The following UTRN variants were observed in gnomAD, a reference collection of about 807,000 sequenced individuals.
UTRN encodes the protein dystrophin-related protein 1.
Under a neutral mutation model 463.9 loss-of-function variants are expected in UTRN, and 283 were observed. That is an observed-to-expected ratio of 0.61 (90% CI 0.55 to 0.67). The LOEUF (loss-of-function observed/expected upper bound fraction) is 0.67, where lower values mean the gene tolerates loss of function less well. Ranked by LOEUF, UTRN falls within the 30% of genes least tolerant of loss-of-function variation. The probability of loss-of-function intolerance (pLI) is 0.00; values close to 1 mark genes in which losing one functional copy is unlikely to be tolerated. For synonymous variants in UTRN, 1,442 were observed against 1,431.5 expected (o/e 1.01, Z -0.17); for missense variants, 3,922 against 4,084.3 (o/e 0.96, Z 1.08).
At chr6:144,799,259 A>G (rs2128745837) in intron 64 of UTRN, 1 of 339,606 alleles carries the variant, frequency 2.9e-6, no homozygotes, top group South Asian at 2.4e-5. Flanking sequence ...AACATAAGAA[A>G]TGAAAATTCA....
At chr6:144,625,323 C>G (rs1324542201) in intron 51 of UTRN, among the ~76,000 whole-genome samples, 5 of 152,156 alleles carry the variant, frequency 3.3e-5, no homozygotes, top group African/African-American at 1.2e-4. Flanking sequence ...TACTGGCTAC[C>G]TGTCTTATGG....
chr6:144,577,429 G>C, intron 51 of UTRN, 141 bp downstream of exon 51: 1 of 872,916 alleles, frequency 1.1e-6, no homozygotes, highest in Non-Finnish European at 1.7e-6. Flanking sequence ...TGAATAATAG[G>C]TTTCTTGAAA....
At chr6:144,372,888 A>G (rs1584490290) in intron 2 of UTRN, among the ~76,000 whole-genome samples, 2 of 152,328 alleles carry the variant, frequency 1.3e-5, no homozygotes, top group Middle Eastern at 3.4e-3. Flanking sequence ...AAGATAAACA[A>G]TTGGCTAATA....
At chr6:144,577,695 T>C (rs1801572318) in intron 51 of UTRN, among the ~76,000 whole-genome samples, 1 of 152,238 alleles carries the variant, frequency 6.6e-6, no homozygotes, top group Non-Finnish European at 1.5e-5. Flanking sequence ...AGTTTATAAC[T>C]AAGAATATTA....
chr6:144,571,555 A>G lies in UTRN; in HGVS notation c.7290-5544A>G, dbSNP rs1297686893. On this transcript the variant is annotated intron_variant, in intron 50 of 74. Transcript: ENST00000367545. ...ATTAGAAATTGTCTGCTGATATCCT[A>G]TTTTGGTAAATACATAGGAAGTTGC... is the stretch of plus-strand genomic sequence containing the variant. Among the ~76,000 whole-genome samples the G allele has an allele frequency of 2.6e-5, 4 of 152,184 alleles. No homozygotes were observed. The South Asian group carries it at 6.2e-4, about 24-fold the overall frequency.
rs1323526505 is a variant in UTRN at position 144,840,980 on chromosome 6, T to C, written c.10270+148T>C. ...TTATTTGAAAATAAGGCAAACATTA[T>C]ATAAGAAAATGAAGCTCAACCTAGA... On this transcript the variant is annotated intron_variant, in intron 73 of 74. Transcript: ENST00000367545. The C allele has an allele frequency of 8.2e-6, 7 of 857,964 alleles. No individual in the cohort carries two copies. In the East Asian group the frequency reaches 1.1e-4, roughly 13 times the overall value. 53.1% of individuals were successfully genotyped at this position (857,964 alleles called of 1,614,324 possible). A position where few individuals can be genotyped will look rare whatever the true frequency, so the allele number is the denominator to read the frequency against.
chr6:144,447,172 A>G, intron 14 of UTRN, 39 bp from the exon 15 acceptor site: 1 of 1,568,754 alleles, frequency 6.4e-7, no homozygotes, highest in Non-Finnish European at 8.7e-7. Context: ...TTACCAAATG[A>G]TTTTGCAGAT....
chr6:144,379,616 T>C (rs1780739714), intron 2 of UTRN, among the ~76,000 whole-genome samples: 1 of 152,198 alleles, frequency 6.6e-6, no homozygotes, highest in Non-Finnish European at 1.5e-5. Flanking sequence ...GTCCGACTCA[T>C]CACTTCTGCC....
chr6:144,678,371 A>G, intron 51 of UTRN, 35 bp from the exon 52 acceptor site: 12 of 1,590,322 alleles, frequency 7.5e-6, no homozygotes, highest in African/African-American at 1.3e-5. Context: ...CTGATTCCTA[A>G]CACTTGCATT....
intron 34 of UTRN, among the ~76,000 whole-genome samples, chr6:144,502,285 G>A (rs1416201953): frequency 1.3e-5 from 2 of 149,936 alleles, no homozygotes; most frequent in Non-Finnish European, 3.0e-5. Flanking sequence ...TATACTTTAA[G>A]TTATGGGATA....
At chr6:144,574,705 C>T (rs963157605) in intron 50 of UTRN, among the ~76,000 whole-genome samples, 1 of 152,142 alleles carries the variant, frequency 6.6e-6, no homozygotes, top group Admixed American at 6.5e-5. Context: ...CCTCAGCCTC[C>T]TGAGTAGCTG....
At chr6:144,828,189 A>G (rs1299655313) in intron 68 of UTRN, among the ~76,000 whole-genome samples, 1 of 152,192 alleles carries the variant, frequency 6.6e-6, no homozygotes, top group Non-Finnish European at 1.5e-5. Context: ...TAATTCAAGC[A>G]TCATAAAAAT....
At chr6:144,490,642 A>C (rs1253870684) in intron 31 of UTRN, among the ~76,000 whole-genome samples, 1 of 152,170 alleles carries the variant, frequency 6.6e-6, no homozygotes, top group Non-Finnish European at 1.5e-5. Flanking sequence ...TTGAACATGA[A>C]GTTTTAATTC....
At chr6:144,490,021 C>A (rs1792900384) in intron 30 of UTRN, 50 bp from the exon 31 acceptor site, 2 of 1,579,040 alleles carry the variant, frequency 1.3e-6, no homozygotes, top group Middle Eastern at 3.4e-4. Context: ...TCTTTTTATA[C>A]TTAAGTAAAA....
intron 2 of UTRN, among the ~76,000 whole-genome samples, chr6:144,383,388 C>T (rs879246591): frequency 4.6e-5 from 7 of 152,172 alleles, no homozygotes; most frequent in South Asian, 2.1e-4. Flanking sequence ...AACCCTTTTA[C>T]GATAGATTAA....
At position 144,353,420 on chromosome 6, in the gene UTRN, AT is replaced by A. The variant is rs35761189; in HGVS notation, c.80-49686del. On this transcript the variant is annotated intron_variant, in intron 2 of 74. Transcript: ENST00000367545. ...TGAACCAACGTGCCCGGCCCTTCTG[AT>A]TTTTTTTTTTTTTTTTAAATAGAAA... is the stretch of plus-strand genomic sequence containing the variant. Among the ~76,000 whole-genome samples, 1,378 of 138,798 alleles carry A rather than the reference AT, an allele frequency of 9.9e-3. 13 individuals carry two copies. Among genetic ancestry groups the A allele is most frequent in the African/African-American group, 0.029 (1,061 of 36,356 alleles). 91.1% of individuals were successfully genotyped at this position (138,798 alleles called of 152,430 possible).
chr6:144,391,142 A>G (rs1215452081), intron 2 of UTRN, among the ~76,000 whole-genome samples: 2 of 152,004 alleles, frequency 1.3e-5, no homozygotes, highest in African/African-American at 4.8e-5. Flanking sequence ...TGCATTCACA[A>G]TTCCCTGCAG....
At chr6:144,598,177 T>G (rs1346329620) in intron 51 of UTRN, among the ~76,000 whole-genome samples, 1 of 152,204 alleles carries the variant, frequency 6.6e-6, no homozygotes, top group Non-Finnish European at 1.5e-5. Flanking sequence ...TGATAACATG[T>G]GCCCAGGGTG....
chr6:144,633,413 T>C (rs1331903444), intron 51 of UTRN, among the ~76,000 whole-genome samples: 1 of 152,068 alleles, frequency 6.6e-6, no homozygotes, highest in Non-Finnish European at 1.5e-5. Context: ...GTATTTTTTT[T>C]AGTAAAGACG....
Sources: gnomAD v4.1 joint callset for allele counts (sites outside exome capture counted in the v4.1 genomes callset) on GRCh38, gnomAD v4.1.1 for gene constraint, MANE v1.5 for transcripts, NCBI Gene and HGNC (gene_info 2026-07-23, HGNC 2026-07-21) for gene names.